The following BTBD9 variants were observed in gnomAD, a reference collection of about 807,000 sequenced individuals.
BTBD9 encodes BTB domain containing 9, also known as BTB/POZ domain-containing protein 9.
Under a neutral mutation model 64.3 loss-of-function variants are expected in BTBD9, and 49 were observed. The observed-to-expected ratio is 0.76, with a 90% CI of 0.61 to 0.97. BTBD9 has a LOEUF of 0.97. Among genes scored for constraint, BTBD9 ranks in the 50% least tolerant of loss-of-function variants. The probability of loss-of-function intolerance (pLI) is 0.00; values close to 1 mark genes in which losing one functional copy is unlikely to be tolerated. For missense variants in BTBD9, 598 were observed against 762.1 expected (o/e 0.78, Z 2.53); for synonymous variants, 260 against 274.7 (o/e 0.95, Z 0.53).
intron 1 of BTBD9, among the ~76,000 whole-genome samples, chr6:38,613,653 G>A (rs1777693125): frequency 6.6e-6 from 1 of 151,946 alleles, no homozygotes; most frequent in Admixed American, 6.6e-5. Flanking sequence ...CAGCCCATAT[G>A]GACACATGTA....
intron 9 of BTBD9, among the ~76,000 whole-genome samples, chr6:38,252,467 C>A (rs544468241): frequency 6.6e-6 from 1 of 152,306 alleles, no homozygotes; most frequent in East Asian, 1.9e-4. Flanking sequence ...CGCCTATAAA[C>A]ATAAAATCAT....
chr6:38,427,472 G>A (rs1287392409), intron 6 of BTBD9, among the ~76,000 whole-genome samples: 3 of 151,944 alleles, frequency 2.0e-5, no homozygotes, highest in Admixed American at 1.3e-4. Flanking sequence ...AGAAAAGTAC[G>A]CACCAGGGAG....
intron 6 of BTBD9, among the ~76,000 whole-genome samples, chr6:38,522,043 C>T (rs568197193): frequency 6.6e-6 from 1 of 152,258 alleles, no homozygotes; most frequent in South Asian, 2.1e-4. Context: ...CATGCCCTGT[C>T]CTAGGCACAA....
At chr6:38,187,961 G>C (rs1429713360) in intron 10 of BTBD9, among the ~76,000 whole-genome samples, 2 of 152,198 alleles carry the variant, frequency 1.3e-5, no homozygotes, top group Non-Finnish European at 2.9e-5. Context: ...TGTCACCTGA[G>C]AGCTGGACGG....
Position 38,192,830 on chromosome 6 carries a change from C to T in BTBD9, c.1563-233G>A, listed in dbSNP as rs374740408. ...CATCACAGAAGGCACTCCTCCCCATCTGTGAATGTCACTTAGGCTTCTTAC... is the reference window on the plus strand; with the variant it reads ...CATCACAGAAGGCACTCCTCCCCATTTGTGAATGTCACTTAGGCTTCTTAC... On this transcript the variant is annotated intron_variant, in intron 9 of 10. Coordinates refer to ENST00000481247, the MANE Select transcript of BTBD9 (RefSeq NM_001099272.2). 4.2e-3 allele frequency among the ~76,000 whole-genome samples: 616 copies of T among 148,244 alleles called. 2 individuals carry two copies. The highest frequency in any genetic ancestry group is 0.015 in the African/African-American group (589 of 39,972).
intron 6 of BTBD9, among the ~76,000 whole-genome samples, chr6:38,494,842 AC>A (rs1771879712): frequency 6.6e-6 from 1 of 152,220 alleles, no homozygotes; most frequent in Non-Finnish European, 1.5e-5. Context: ...TTGATTTCTC[AC>A]AATGAAAAGA....
At chr6:38,270,983 G>A (rs1298744383) in intron 8 of BTBD9, among the ~76,000 whole-genome samples, 6 of 152,094 alleles carry the variant, frequency 3.9e-5, no homozygotes, top group South Asian at 2.1e-4. Context: ...TTTAATGTAC[G>A]TGATTTCTGA....
intron 6 of BTBD9, among the ~76,000 whole-genome samples, chr6:38,535,871 C>A: frequency 6.6e-6 from 1 of 152,000 alleles, no homozygotes; most frequent in Non-Finnish European, 1.5e-5. Context: ...CTTAAATCTA[C>A]TATCTCAAAC....
chr6:38,579,334 C>G (rs1203055488), intron 5 of BTBD9, among the ~76,000 whole-genome samples: 1 of 152,150 alleles, frequency 6.6e-6, no homozygotes, highest in Non-Finnish European at 1.5e-5. Context: ...CTATTTAAGC[C>G]CTTCATGCCC....
chr6:38,516,106 G>T (rs550347813), intron 6 of BTBD9, among the ~76,000 whole-genome samples: 2 of 152,224 alleles, frequency 1.3e-5, no homozygotes, highest in African/African-American at 4.8e-5. Flanking sequence ...TCAAAAAGGA[G>T]AAAATATCTC....
At chr6:38,352,286 A>G (rs1052461879) in intron 6 of BTBD9, among the ~76,000 whole-genome samples, 1 of 151,972 alleles carries the variant, frequency 6.6e-6, no homozygotes, top group Non-Finnish European at 1.5e-5. Context: ...CTGAGGTGGG[A>G]GGATCAATTA....
At chr6:38,498,192 C>T (rs1772040315) in intron 6 of BTBD9, among the ~76,000 whole-genome samples, 1 of 152,182 alleles carries the variant, frequency 6.6e-6, no homozygotes, top group African/African-American at 2.4e-5. Flanking sequence ...ACGCACCTGT[C>T]TATAATATCT....
At chr6:38,205,832 C>T (rs1397999996) in intron 9 of BTBD9, among the ~76,000 whole-genome samples, 1 of 134,026 alleles carries the variant, frequency 7.5e-6, no homozygotes, top group Non-Finnish European at 1.5e-5. Flanking sequence ...TGCAGTGAGC[C>T]AACACTGTGC....
chr6:38,283,484 C>A (rs1285725033), intron 8 of BTBD9, among the ~76,000 whole-genome samples: 1 of 152,046 alleles, frequency 6.6e-6, no homozygotes, highest in Non-Finnish European at 1.5e-5. Context: ...CCTGTCTCTA[C>A]AAAAAATTTT....
At chr6:38,187,802 T>C (rs1761882045) in intron 10 of BTBD9, among the ~76,000 whole-genome samples, 1 of 152,194 alleles carries the variant, frequency 6.6e-6, no homozygotes, top group Admixed American at 6.5e-5. Flanking sequence ...AATGAATTCG[T>C]TGCTGCGGTG....
intron 8 of BTBD9, among the ~76,000 whole-genome samples, chr6:38,265,222 G>C (rs374337955): frequency 7.9e-5 from 12 of 152,146 alleles, no homozygotes; most frequent in South Asian, 4.2e-4. Flanking sequence ...GTGAGGAGGT[G>C]GCAAGTATAC....
At chr6:38,594,379 C>A (rs754725556) in intron 2 of BTBD9, 52 bp from the exon 3 acceptor site, 7 of 1,507,306 alleles carry the variant, frequency 4.6e-6, no homozygotes, top group South Asian at 2.7e-5. Flanking sequence ...GGATTTGCTA[C>A]AAAATATTGG....
At chr6:38,375,892 AAAG>A (rs1182060952) in intron 6 of BTBD9, among the ~76,000 whole-genome samples, 647 of 10,390 alleles carry the variant, frequency 0.062, 7 homozygotes, top group African/African-American at 0.14. Context: ...GAAAGAAAGA[AAAG>A]AAAGAAAGAA....
intron 8 of BTBD9, among the ~76,000 whole-genome samples, chr6:38,258,256 G>T (rs1764669243): frequency 2.0e-5 from 3 of 152,158 alleles, no homozygotes; most frequent in Admixed American, 6.5e-5. Flanking sequence ...AAAGTGTTGG[G>T]ATTACAGGCA....
Sources: gnomAD v4.1 joint callset for allele counts (sites outside exome capture counted in the v4.1 genomes callset) on GRCh38, gnomAD v4.1.1 for gene constraint, MANE v1.5 for transcripts, NCBI Gene and HGNC (gene_info 2026-07-23, HGNC 2026-07-21) for gene names.